The following SOX5 variants were observed in gnomAD, a reference collection of about 807,000 sequenced individuals.
The protein encoded by SOX5 is transcription factor SOX-5.
A neutral mutation model predicts 92.0 loss-of-function variants in SOX5; 9 were observed. The observed-to-expected ratio is 0.10, with a 90% CI of 0.06 to 0.17. The LOEUF is 0.17. Among genes scored for constraint, SOX5 ranks in the 10% least tolerant of loss-of-function variants. The pLI, the probability that SOX5 is intolerant of heterozygous loss-of-function variation, is 1.00. For missense variants in SOX5, 642 were observed against 944.5 expected (o/e 0.68, Z 4.20); for synonymous variants, 344 against 336.3 (o/e 1.02, Z -0.25).
intron 7 of SOX5, among the ~76,000 whole-genome samples, chr12:23,664,422 C>T (rs1229942459): frequency 2.6e-5 from 4 of 151,664 alleles, no homozygotes; most frequent in Non-Finnish European, 1.5e-5. Flanking sequence ...GTGGTGTTCA[C>T]TTTTATCAAT....
chr12:23,734,986 G>A (rs904207053), intron 5 of SOX5, among the ~76,000 whole-genome samples: 1 of 152,082 alleles, frequency 6.6e-6, no homozygotes, highest in Non-Finnish European at 1.5e-5. Flanking sequence ...AAGATACCAC[G>A]GCAGTGATCA....
intron 3 of SOX5, among the ~76,000 whole-genome samples, chr12:23,815,678 A>G (rs772050524): frequency 1.3e-4 from 20 of 152,128 alleles, no homozygotes; most frequent in Non-Finnish European, 2.5e-4. Context: ...ATAATTCAGT[A>G]TTTTCTCTAT....
At chr12:23,765,885 G>A (rs2094710393) in intron 3 of SOX5, among the ~76,000 whole-genome samples, 1 of 151,910 alleles carries the variant, frequency 6.6e-6, no homozygotes, top group South Asian at 2.1e-4. Context: ...CCCTCCTATG[G>A]CACTGTGATA....
rs1023663084 is a variant in SOX5 at position 24,203,791 on chromosome 12, C to T, written c.-2+9552G>A. 2.6e-5 allele frequency among the ~76,000 whole-genome samples: 4 copies of T among 152,138 alleles called. No individual in the cohort carries two copies. In the East Asian group the frequency reaches 7.7e-4, roughly 29 times the overall value. On this transcript the variant is annotated intron_variant, in intron 4 of 4. Transcript: ENST00000446891. ...TTAAAAAATTTTAGAGTATAAACGC[C>T]AATTACTGTTTGGCAGTTACTTAGA... is the stretch of plus-strand genomic sequence containing the variant.
At chr12:24,042,098 A>G (rs1956581071) in intron 4 of SOX5, among the ~76,000 whole-genome samples, 1 of 152,068 alleles carries the variant, frequency 6.6e-6, no homozygotes, top group Non-Finnish European at 1.5e-5. Flanking sequence ...TACCTAATTT[A>G]ATCATTTGAG....
intron 3 of SOX5, among the ~76,000 whole-genome samples, chr12:24,258,643 T>C (rs1284986754): frequency 1.3e-5 from 2 of 152,192 alleles, no homozygotes; most frequent in African/African-American, 2.4e-5. Flanking sequence ...TTAAGGTCTA[T>C]GGAATTGTGG....
intron 4 of SOX5, among the ~76,000 whole-genome samples, chr12:24,156,720 A>G (rs1952211958): frequency 6.6e-6 from 1 of 152,182 alleles, no homozygotes; most frequent in African/African-American, 2.4e-5. Flanking sequence ...TAATGAGTTC[A>G]ATGGCTTACT....
At chr12:23,692,582 T>A (rs2140062455) in intron 6 of SOX5, among the ~76,000 whole-genome samples, 1 of 152,372 alleles carries the variant, frequency 6.6e-6, no homozygotes, top group African/African-American at 2.4e-5. Context: ...ACCAGTATTT[T>A]AAAATTATAT....
intron 1 of SOX5, among the ~76,000 whole-genome samples, chr12:23,897,452 A>G (rs898227320): frequency 6.6e-6 from 1 of 152,160 alleles, no homozygotes; most frequent in Non-Finnish European, 1.5e-5. Context: ...CTCTATCTCA[A>G]CTTACTCATC....
intron 3 of SOX5, among the ~76,000 whole-genome samples, chr12:24,248,676 C>T (rs990152435): frequency 1.3e-5 from 2 of 152,160 alleles, no homozygotes; most frequent in African/African-American, 4.8e-5. Flanking sequence ...TAAGTCACTG[C>T]GCCTGGCCCT....
At chr12:23,999,140 CTGTG>C (rs1384723605) in intron 4 of SOX5, among the ~76,000 whole-genome samples, 12 of 141,304 alleles carry the variant, frequency 8.5e-5, no homozygotes, top group African/African-American at 3.2e-4. Context: ...AAAAAAGACT[CTGTG>C]TGTGTGTGTG....
At chr12:24,434,130 G>A (rs1004618620) in intron 1 of SOX5, among the ~76,000 whole-genome samples, 2 of 152,140 alleles carry the variant, frequency 1.3e-5, no homozygotes, top group African/African-American at 4.8e-5. Context: ...TGGTGCTGCA[G>A]AGGCCAGATT....
chr12:24,265,037 C>A (rs1230959861), intron 3 of SOX5, among the ~76,000 whole-genome samples: 1 of 152,156 alleles, frequency 6.6e-6, no homozygotes, highest in Non-Finnish European at 1.5e-5. Flanking sequence ...AGCAGTGTGT[C>A]CCCCAACTTA....
At chr12:24,004,015 A>T (rs1399473150) in intron 4 of SOX5, among the ~76,000 whole-genome samples, 1 of 152,066 alleles carries the variant, frequency 6.6e-6, no homozygotes. Context: ...CAATTGATTT[A>T]TTTTTGCACT....
Position 23,530,909 on chromosome 12 carries a change from C to CTGTT in SOX5, c.*3306_*3309dup, listed in dbSNP as rs544557167. The CTGTT allele has an allele frequency of 1.1e-3, 159 of 150,428 alleles. No homozygotes were observed. Among genetic ancestry groups the CTGTT allele is most frequent in the African/African-American group, 3.6e-3 (150 of 41,102 alleles). 9.3% of individuals were successfully genotyped at this position (150,428 alleles called of 1,614,324 possible). A position where few individuals can be genotyped will look rare whatever the true frequency, so the allele number is the denominator to read the frequency against. ...GGTAAGAAAGCAGACAGGAAGGAGA[C>CTGTT]TGTTTATGTTTTAGTTTGATCTTTT... On this transcript the variant is annotated 3_prime_UTR_variant, in exon 15 of 15. Transcript: ENST00000451604.
chr12:23,726,118 CGAGAGAGAGAGAGAGAGAGAGAGAGAGA>C (rs60575337), intron 6 of SOX5, among the ~76,000 whole-genome samples: 3,059 of 123,678 alleles, frequency 0.025, 116 homozygotes, highest in African/African-American at 0.063. Flanking sequence ...CATACATCCC[CGAGAGAGAGAGAGAGAGAGAGAGAGAGA>C]GAGAGAGAGA....
chr12:24,472,041 G>A (rs976864981), intron 1 of SOX5, among the ~76,000 whole-genome samples: 1 of 152,184 alleles, frequency 6.6e-6, no homozygotes, highest in African/African-American at 2.4e-5. Flanking sequence ...GTCTACAATG[G>A]CAGCGTTTTT....
At chr12:23,538,803 T>C (rs1378226025) in intron 13 of SOX5, among the ~76,000 whole-genome samples, 2 of 146,558 alleles carry the variant, frequency 1.4e-5, no homozygotes, top group African/African-American at 5.0e-5. Context: ...CATTTTCTTT[T>C]TTTTTTTTTT....
Position 23,563,399 on chromosome 12 carries a change from G to A in SOX5, c.1347C>T (p.Tyr449=). The A allele has an allele frequency of 6.2e-7, 1 of 1,613,632 alleles. No homozygotes were observed. Among genetic ancestry groups the A allele is most frequent in the Non-Finnish European group, 8.5e-7 (1 of 1,179,660 alleles). ...TGGTGACAGCATCATGGTCATTTAA[G>A]TAACCTGAACATGAGACAGATCAAA... The part of the protein sequence containing the change: ...SPSARVSTIG[Y]LNDHDAVTKA... Residue 449 remains tyrosine, a synonymous_variant, in exon 11 of 15, where the codon TAC becomes TAT. Transcript: ENST00000451604.
Sources: allele counts gnomAD v4.1 joint callset (sites outside exome capture counted in the v4.1 genomes callset), GRCh38; gene constraint gnomAD v4.1.1; transcripts MANE v1.5; gene names NCBI Gene and HGNC (gene_info 2026-07-23, HGNC 2026-07-21).